RUVBL1: variants seen among roughly 807,000 people sequenced by gnomAD.
The protein encoded by RUVBL1 is RuvB like AAA ATPase 1, also known as ruvB-like 1.
RUVBL1 carries 4 observed loss-of-function variants against 52.4 expected under a neutral mutation model. The observed-to-expected ratio is 0.08, with a 90% CI of 0.04 to 0.17. The LOEUF (loss-of-function observed/expected upper bound fraction) is 0.17, where lower values mean the gene tolerates loss of function less well. Among genes scored for constraint, RUVBL1 ranks in the 10% least tolerant of loss-of-function variants. The probability of loss-of-function intolerance (pLI) is 1.00; values close to 1 mark genes in which losing one functional copy is unlikely to be tolerated. For synonymous variants in RUVBL1, 217 were observed against 214.4 expected (o/e 1.01, Z -0.10); for missense variants, 298 against 572.8 (o/e 0.52, Z 4.90).
chr3:128,138,126 C>A (rs965490861), intron 1 of RUVBL1, among the ~76,000 whole-genome samples: 1 of 152,106 alleles, frequency 6.6e-6, no homozygotes, highest in African/African-American at 2.4e-5. Context: ...CCCCTATAAT[C>A]CAGAACAAGA....
chr3:128,069,893 A>G lies in RUVBL1; in HGVS notation c.940-4673T>C. 6 of 535,386 alleles carry G rather than the reference A, an allele frequency of 1.1e-5. No individual in the cohort carries two copies. In the South Asian group the frequency reaches 1.3e-4, roughly 12 times the overall value. The allele number at this position is 535,386 out of a possible 1,614,324, so 33.2% of individuals were successfully genotyped here. ...GTGAAATTTTATTCAGCCGACTGCC[A>G]GAGAAGTGGGAATGGTATAGGATTG... On this transcript the variant is annotated intron_variant, in intron 9 of 9. Transcript: ENST00000464873.
intron 8 of RUVBL1, among the ~76,000 whole-genome samples, chr3:128,094,213 G>A (rs1942917882): frequency 6.6e-6 from 1 of 152,192 alleles, no homozygotes; most frequent in African/African-American, 2.4e-5. Flanking sequence ...TGACTCCAAT[G>A]CCTGTAATTT....
chr3:128,116,566 T>G (rs1368488123), intron 2 of RUVBL1, among the ~76,000 whole-genome samples: 1 of 152,172 alleles, frequency 6.6e-6, no homozygotes, highest in East Asian at 1.9e-4. Context: ...TTGTAACAAT[T>G]TATGCAGTGT....
At chr3:128,134,853 A>T (rs936804968) in intron 1 of RUVBL1, among the ~76,000 whole-genome samples, 17 of 151,984 alleles carry the variant, frequency 1.1e-4, no homozygotes, top group African/African-American at 3.4e-4. Context: ...GGAAAAATTT[A>T]AAAAAAAGAA....
In RUVBL1 at chr3:128,152,862, C is replaced by T. The variant is rs148448366; in HGVS notation, c.-40+341G>A. Among the ~76,000 whole-genome samples, 190 of 150,032 alleles carry T rather than the reference C, an allele frequency of 1.3e-3. 1 individual carries two copies. The highest frequency in any genetic ancestry group is 4.5e-3 in the African/African-American group (185 of 40,806). On this transcript the variant is annotated intron_variant, in intron 1 of 9. Coordinates refer to the RUVBL1 transcript ENST00000464873. ...GGTTGCTGCTGCTGGCGGGGGTGGC[C>T]AGCTTTTATTCCCTTATTTGCCCCC...
intron 1 of RUVBL1, among the ~76,000 whole-genome samples, chr3:128,120,674 T>C (rs1943623016): frequency 6.6e-6 from 1 of 152,182 alleles, no homozygotes; most frequent in Non-Finnish European, 1.5e-5. Flanking sequence ...TGAATACATC[T>C]TATCTCTTCT....
chr3:128,136,842 A>C (rs1337360125), intron 1 of RUVBL1, among the ~76,000 whole-genome samples: 1 of 152,196 alleles, frequency 6.6e-6, no homozygotes, highest in Non-Finnish European at 1.5e-5. Flanking sequence ...TAAAGGGACC[A>C]ATTCAGCAAG....
At chr3:128,069,063 C>T (rs1337082548) in intron 9 of RUVBL1, 1 of 157,730 alleles carries the variant, frequency 6.3e-6, no homozygotes, top group Non-Finnish European at 1.4e-5. Flanking sequence ...ATTCAAGTCA[C>T]ATGTAGTTTT....
At position 128,137,404 on chromosome 3, in the gene RUVBL1, C is replaced by G. The variant is rs115143259; in HGVS notation, c.-40+15799G>C. Among the ~76,000 whole-genome samples, 419 of 152,224 alleles carry G rather than the reference C, an allele frequency of 2.8e-3. 1 individual carries two copies. Among genetic ancestry groups the G allele is most frequent in the African/African-American group, 9.3e-3 (386 of 41,546 alleles). On this transcript the variant is annotated intron_variant, in intron 1 of 9. Coordinates refer to the RUVBL1 transcript ENST00000464873. ...AAATTCAAAGGATCGTGAGCAACTA[C>G]TATGAACAACTATATGTCAATAAAT...
At chr3:128,119,233 G>T in intron 2 of RUVBL1, 95 bp downstream of exon 2, 1 of 823,992 alleles carries the variant, frequency 1.2e-6, no homozygotes, top group Non-Finnish European at 2.0e-6. Flanking sequence ...AACCCATTTA[G>T]CTAAACAAAG....
chr3:128,117,266 G>A (rs1184519398), intron 2 of RUVBL1, among the ~76,000 whole-genome samples: 1 of 152,148 alleles, frequency 6.6e-6, no homozygotes, highest in African/African-American at 2.4e-5. Context: ...ACAAATATGA[G>A]AGGCTAAAAG....
intron 3 of RUVBL1, among the ~76,000 whole-genome samples, chr3:128,107,612 A>G (rs1943276271): frequency 6.6e-6 from 1 of 152,248 alleles, no homozygotes; most frequent in Non-Finnish European, 1.5e-5. Flanking sequence ...AAAGTTAAGG[A>G]AAAGTTTTAC....
rs1943592878 is a variant in RUVBL1 at position 128,119,396 on chromosome 3, C to G, written c.160G>C (p.Glu54Gln). 6.2e-7 allele frequency: 1 copy of G among 1,613,708 alleles called. No individual in the cohort carries two copies. Among genetic ancestry groups the G allele is most frequent in the African/African-American group, 1.3e-5 (1 of 74,890 alleles). Residue 54 changes from glutamate to glutamine, a missense_variant, in exon 2 of 11, where the codon GAA becomes CAA. Coordinates refer to ENST00000322623, the MANE Select transcript of RUVBL1 (RefSeq NM_003707.3). ...GCCATTTTCTTGCTTTTGATTAATT[C>G]TACTATGACGCCACATGCCTACACA... ...NAREACGVIVELIKSKKMAGR... is the reference protein window; with the variant it reads ...NAREACGVIVQLIKSKKMAGR...
chr3:128,135,589 G>T (rs1201867243), intron 1 of RUVBL1, among the ~76,000 whole-genome samples: 2 of 152,146 alleles, frequency 1.3e-5, no homozygotes, highest in Non-Finnish European at 2.9e-5. Flanking sequence ...TACTAGGATA[G>T]CATACCCAGC....
At chr3:128,101,921 C>T (rs543948805) in intron 4 of RUVBL1, among the ~76,000 whole-genome samples, 1 of 152,316 alleles carries the variant, frequency 6.6e-6, no homozygotes, top group East Asian at 1.9e-4. Context: ...ACAGGGGACA[C>T]GTACTCTCCT....
intron 1 of RUVBL1, among the ~76,000 whole-genome samples, chr3:128,132,612 C>T (rs907861750): frequency 1.3e-5 from 2 of 152,144 alleles, no homozygotes; most frequent in African/African-American, 4.8e-5. Flanking sequence ...GGCTCTAGCT[C>T]CCAGACGACA....
At chr3:128,117,717 A>T (rs1013693635) in intron 2 of RUVBL1, among the ~76,000 whole-genome samples, 1 of 151,768 alleles carries the variant, frequency 6.6e-6, no homozygotes, top group Non-Finnish European at 1.5e-5. Context: ...GGTTCAAGCG[A>T]TTCTCCTAAG....
chr3:128,073,194 G>A (rs1039666559), intron 9 of RUVBL1, among the ~76,000 whole-genome samples: 2 of 152,198 alleles, frequency 1.3e-5, no homozygotes, highest in African/African-American at 2.4e-5. Flanking sequence ...GCTGGGGCAA[G>A]GAATGAGGAG....
chr3:128,084,059 CAA>C (rs1184027353), intron 9 of RUVBL1: 1 of 152,960 alleles, frequency 6.5e-6, no homozygotes, highest in Admixed American at 6.5e-5. Context: ...GCCTGGGCAA[CAA>C]GAGAGAAACT....
Sources: allele counts gnomAD v4.1 joint callset (sites outside exome capture counted in the v4.1 genomes callset), GRCh38; gene constraint gnomAD v4.1.1; transcripts MANE v1.5; gene names NCBI Gene and HGNC (gene_info 2026-07-23, HGNC 2026-07-21).